The following GABPA variants were observed in gnomAD, a reference collection of about 807,000 sequenced individuals.
GABPA encodes the protein GA binding protein transcription factor subunit alpha.
Under a neutral mutation model 59.4 loss-of-function variants are expected in GABPA, and 4 were observed. The observed-to-expected ratio is 0.07, with a 90% CI of 0.03 to 0.15. GABPA has a LOEUF of 0.15. Among genes scored for constraint, GABPA ranks in the 10% least tolerant of loss-of-function variants. GABPA has a pLI of 1.00. For missense variants in GABPA, 251 were observed against 543.8 expected (o/e 0.46, Z 5.36); for synonymous variants, 164 against 183.1 (o/e 0.90, Z 0.84).
chr21:25,736,687 C>T (rs930135362), intron 1 of GABPA, among the ~76,000 whole-genome samples: 1 of 152,078 alleles, frequency 6.6e-6, no homozygotes, highest in Non-Finnish European at 1.5e-5. Context: ...TCCCTCAACT[C>T]TTTATATATA....
chr21:25,770,044 C>A lies in GABPA; in HGVS notation c.*812C>A, dbSNP rs2035978956. 6.6e-6 allele frequency: 1 copy of A among 152,460 alleles called. No individual in the cohort carries two copies. The highest frequency in any genetic ancestry group is 1.5e-5 in the Non-Finnish European group (1 of 67,950). 9.4% of individuals were successfully genotyped at this position (152,460 alleles called of 1,614,324 possible). On this transcript the variant is annotated 3_prime_UTR_variant, in exon 10 of 10. Coordinates refer to ENST00000400075, the MANE Select transcript of GABPA (RefSeq NM_002040.4). ...AAAACTGAAAAGGTATACCTCAACC[C>A]AAAAATAAAGGTTTGTTTTGGTTTG...
chr21:25,764,017 C>A (rs1428192058), intron 7 of GABPA, among the ~76,000 whole-genome samples, 193 bp from the exon 8 acceptor site: 1 of 152,130 alleles, frequency 6.6e-6, no homozygotes, highest in African/African-American at 2.4e-5. Flanking sequence ...AACTATAATG[C>A]AAGCGTTATA....
At chr21:25,761,510 G>T (rs916019169) in intron 6 of GABPA, among the ~76,000 whole-genome samples, 2 of 152,122 alleles carry the variant, frequency 1.3e-5, no homozygotes, top group Non-Finnish European at 2.9e-5. Context: ...TCCTGGCAAG[G>T]CACCCTTAGC....
intron 3 of GABPA, among the ~76,000 whole-genome samples, chr21:25,747,047 G>A (rs1254647145): frequency 6.6e-6 from 1 of 152,166 alleles, no homozygotes; most frequent in East Asian, 1.9e-4. Context: ...TTTGAAATCA[G>A]CATATTTTTA....
Position 25,752,248 on chromosome 21 carries a change from T to C in GABPA, c.553+14T>C. 1.2e-6 allele frequency: 2 copies of C among 1,612,234 alleles called. No homozygotes were observed. The highest frequency in any genetic ancestry group is 1.7e-6 in the Non-Finnish European group (2 of 1,178,728). On this transcript the variant is annotated intron_variant, in intron 5 of 9. Transcript: ENST00000400075. ...GGATACCCTATGGTAATAAAATGCA[T>C]AATTCTATATTGGGTAGAATAATAG...
In GABPA at chr21:25,771,352, TA is replaced by T. The variant is rs1462006382; in HGVS notation, c.*2123del. 7 of 147,988 alleles carry T rather than the reference TA, an allele frequency of 4.7e-5. No individual in the cohort carries two copies. The highest frequency in any genetic ancestry group is 4.0e-4 in the East Asian group (2 of 5,040). The allele number at this position is 147,988 out of a possible 1,614,324, so 9.2% of individuals were successfully genotyped here. On this transcript the variant is annotated 3_prime_UTR_variant, in exon 10 of 10. Transcript: ENST00000400075. ...ATGCAATTCCCATATGGTTTTTTTTTAAATCATATTTTATTCATTTTCTCCC... is the reference window on the plus strand; with the variant it reads ...ATGCAATTCCCATATGGTTTTTTTTTAATCATATTTTATTCATTTTCTCCC...
rs1018001736 is a variant in GABPA, at chr21:25,762,422, C to T, written c.802+57C>T. On this transcript the variant is annotated intron_variant, in intron 7 of 9. Transcript: ENST00000400075. ...TTAATAAGAAATGTTTATTTGATAC[C>T]GCAAGGTAATAAAAAGGAAAATTAT... 148 of 1,221,220 alleles carry T rather than the reference C, an allele frequency of 1.2e-4. No individual in the cohort carries two copies. The African/African-American group carries it at 1.9e-3, about 16-fold the overall frequency. 75.6% of individuals were successfully genotyped at this position (1,221,220 alleles called of 1,614,324 possible). A position where few individuals can be genotyped will look rare whatever the true frequency, so the allele number is the denominator to read the frequency against.
In GABPA at chr21:25,770,598, T is replaced by A. The variant is rs1401121204; in HGVS notation, c.*1366T>A. On this transcript the variant is annotated 3_prime_UTR_variant, in exon 10 of 10. Coordinates refer to ENST00000400075, the MANE Select transcript of GABPA (RefSeq NM_002040.4). ...TTTGAGAAAGTTGATTCTCAAATAT[T>A]TATGCACCTTCTCCTTCATTGTTTT... 6.6e-6 allele frequency: 1 copy of A among 152,102 alleles called. No homozygotes were observed. The highest frequency in any genetic ancestry group is 3.2e-3 in the Middle Eastern group (1 of 316). The allele number at this position is 152,102 out of a possible 1,614,324, so 9.4% of individuals were successfully genotyped here. A position where few individuals can be genotyped will look rare whatever the true frequency, so the allele number is the denominator to read the frequency against.
chr21:25,764,785 A>G lies in GABPA; in HGVS notation c.1134A>G (p.Leu378=). Residue 378 remains leucine, a splice_region_variant and synonymous_variant, in exon 9 of 10, where the codon TTA becomes TTG. Transcript: ENST00000400075. ...ACTATGAGAAACTCAGTCGTGCATT[A>G]AGGTAAGCCTTTATTACTTTTTTTT... ...TMNYEKLSRA[L]RYYYDGDMIC... The G allele has an allele frequency of 1.3e-6, 2 of 1,557,374 alleles. No homozygotes were observed. The highest frequency in any genetic ancestry group is 8.6e-7 in the Non-Finnish European group (1 of 1,160,416).
chr21:25,752,317 A>G (rs1024913436), intron 5 of GABPA, 83 bp downstream of exon 5: 12 of 1,320,900 alleles, frequency 9.1e-6, no homozygotes, highest in Admixed American at 2.1e-5. Flanking sequence ...GTTATAATCT[A>G]TTTTACATGT....
chr21:25,739,883 A>G (rs1418544940), intron 1 of GABPA, among the ~76,000 whole-genome samples: 1 of 152,160 alleles, frequency 6.6e-6, no homozygotes, highest in African/African-American at 2.4e-5. Context: ...CTCCCAGAGT[A>G]TTAGGATTAC....
At chr21:25,754,033 C>T (rs1353694796) in intron 5 of GABPA, among the ~76,000 whole-genome samples, 1 of 152,118 alleles carries the variant, frequency 6.6e-6, no homozygotes, top group African/African-American at 2.4e-5. Flanking sequence ...CAGTCTGTCC[C>T]TCCGCTGCCC....
Position 25,735,014 on chromosome 21 carries a change from T to C in GABPA, c.-591T>C. 1.3e-6 allele frequency: 2 copies of C among 1,532,330 alleles called. No homozygotes were observed. The highest frequency in any genetic ancestry group is 1.8e-6 in the Non-Finnish European group (2 of 1,135,052). 94.9% of individuals were successfully genotyped at this position (1,532,330 alleles called of 1,614,324 possible). ...CGGACAGGAAGCGTCTCGGAGACAG[T>C]CTGCGACCGGACGGGTCTAGGTGAG... On this transcript the variant is annotated 5_prime_UTR_variant, in exon 1 of 10. Coordinates refer to ENST00000400075, the MANE Select transcript of GABPA (RefSeq NM_002040.4).
chr21:25,736,342 T>G (rs2035059656), intron 1 of GABPA, among the ~76,000 whole-genome samples: 6 of 152,202 alleles, frequency 3.9e-5, no homozygotes, highest in South Asian at 4.1e-4. Context: ...GAGCAAAGAT[T>G]TAGCAGGATT....
Position 25,735,213 on chromosome 21 carries a change from G to C in GABPA, c.-392G>C, listed in dbSNP as rs1231345405. 6.8e-6 allele frequency: 4 copies of C among 591,362 alleles called. No homozygotes were observed. In the South Asian group the frequency reaches 8.0e-5, roughly 12 times the overall value. The allele number at this position is 591,362 out of a possible 1,614,324, so 36.6% of individuals were successfully genotyped here. A position where few individuals can be genotyped will look rare whatever the true frequency, so the allele number is the denominator to read the frequency against. On this transcript the variant is annotated 5_prime_UTR_variant, in exon 1 of 10. Transcript: ENST00000400075. ...TTTCCCCTAGTTCAAGCTCCCCTCC[G>C]AGTCAGCGTCCTGTTCGTTAGGGTT...
At chr21:25,763,819 A>G (rs138884911) in intron 7 of GABPA, among the ~76,000 whole-genome samples, 6 of 152,252 alleles carry the variant, frequency 3.9e-5, no homozygotes, top group Non-Finnish European at 8.8e-5. Context: ...GCCTTACTCC[A>G]GATATTGCCA....
chr21:25,744,378 T>G (rs1176484639), intron 2 of GABPA, among the ~76,000 whole-genome samples: 2 of 152,180 alleles, frequency 1.3e-5, no homozygotes, highest in Non-Finnish European at 2.9e-5. Context: ...CTATATACAT[T>G]CATTGAATAT....
At chr21:25,745,693 C>T (rs1280929809) in intron 3 of GABPA, among the ~76,000 whole-genome samples, 1 of 152,118 alleles carries the variant, frequency 6.6e-6, no homozygotes, top group African/African-American at 2.4e-5. Flanking sequence ...TATTTCTAGC[C>T]AGCTTTTAAC....
chr21:25,741,632 A>G lies in GABPA; in HGVS notation c.34A>G (p.Ile12Val), dbSNP rs753449805. The G allele has an allele frequency of 1.9e-6, 3 of 1,612,964 alleles. No individual in the cohort carries two copies. Among genetic ancestry groups the G allele is most frequent in the East Asian group, 4.5e-5 (2 of 44,820 alleles). Residue 12 changes from isoleucine (I) to valine (V), a missense_variant, in exon 2 of 10, where the codon ATT becomes GTT. Coordinates refer to ENST00000400075, the MANE Select transcript of GABPA (RefSeq NM_002040.4). ...TKREAEELIE[I>V]EIDGTEKAEC... ...AAGAGAAGCAGAGGAGCTGATAGAA[A>G]TTGAGATTGATGGAACAGAGAAAGC...
Sources: gnomAD v4.1 joint callset for allele counts (sites outside exome capture counted in the v4.1 genomes callset) on GRCh38, gnomAD v4.1.1 for gene constraint, MANE v1.5 for transcripts, NCBI Gene and HGNC (gene_info 2026-07-23, HGNC 2026-07-21) for gene names.